Variants in DOCK8 observed in about 807,000 individuals in gnomAD.
DOCK8 encodes the protein dedicator of cytokinesis 8, also known as dedicator of cytokinesis protein 8.
DOCK8 carries 141 observed loss-of-function variants against 245.6 expected under a neutral mutation model. That is an observed-to-expected ratio of 0.57 (90% CI 0.50 to 0.66). DOCK8 has a LOEUF of 0.66. Ranked by LOEUF, DOCK8 falls within the 30% of genes least tolerant of loss-of-function variation. The pLI is 0.00. For missense variants in DOCK8, 2,965 were observed against 2,603.4 expected, an observed-to-expected ratio of 1.14 and a Z score of -3.02; for synonymous variants, 1,168 against 970.2, an observed-to-expected ratio of 1.20 and a Z score of -3.79.
intron 42 of DOCK8, among the ~76,000 whole-genome samples, chr9:442,573 G>C (rs2057126635): frequency 6.6e-6 from 1 of 152,222 alleles, no homozygotes; most frequent in Admixed American, 6.5e-5. Flanking sequence ...AGTGTAGCAT[G>C]TTGTTAGAAG....
intron 3 of DOCK8, among the ~76,000 whole-genome samples, chr9:288,049 A>G (rs559340232): frequency 6.6e-6 from 1 of 150,922 alleles, no homozygotes; most frequent in Non-Finnish European, 1.5e-5. Flanking sequence ...AATTTAGAGG[A>G]AGGAGGAGGT....
At chr9:222,141 T>C (rs2046895979) in intron 1 of DOCK8, among the ~76,000 whole-genome samples, 1 of 151,826 alleles carries the variant, frequency 6.6e-6, no homozygotes, top group Non-Finnish European at 1.5e-5. Flanking sequence ...TGCATGCCTG[T>C]GGTCCCAGCT....
At chr9:360,806 C>G (rs1359992679) in intron 14 of DOCK8, among the ~76,000 whole-genome samples, 1 of 152,098 alleles carries the variant, frequency 6.6e-6, no homozygotes, top group Non-Finnish European at 1.5e-5. Flanking sequence ...CACTTGGTAA[C>G]TGGTAAGCAA....
chr9:385,985 C>G (rs910117664), intron 22 of DOCK8, among the ~76,000 whole-genome samples: 4 of 152,054 alleles, frequency 2.6e-5, no homozygotes, highest in Non-Finnish European at 5.9e-5. Flanking sequence ...GGTGCAGTAC[C>G]GTACTAAACC....
chr9:333,362 GA>G (rs558485898), intron 10 of DOCK8, among the ~76,000 whole-genome samples: 1 of 152,358 alleles, frequency 6.6e-6, no homozygotes, highest in South Asian at 2.1e-4. Flanking sequence ...AGCACTTTGG[GA>G]GGCCAAGGCG....
chr9:215,118 C>A (rs913947752), intron 1 of DOCK8, 89 bp downstream of exon 1: 3 of 1,486,932 alleles, frequency 2.0e-6, no homozygotes, highest in Admixed American at 2.4e-5. Flanking sequence ...CGAGGCCGGA[C>A]GAGTCCATTC....
chr9:251,048 G>A (rs529303672), intron 1 of DOCK8, among the ~76,000 whole-genome samples: 1 of 152,260 alleles, frequency 6.6e-6, no homozygotes, highest in South Asian at 2.1e-4. Flanking sequence ...AGGAGTCTAG[G>A]GACAGACAGG....
chr9:375,167 C>T (rs1052887100), intron 18 of DOCK8, among the ~76,000 whole-genome samples: 18 of 152,154 alleles, frequency 1.2e-4, no homozygotes, highest in African/African-American at 4.3e-4. Context: ...CCACTTTGGG[C>T]CCCAGCTTTT....
intron 14 of DOCK8, among the ~76,000 whole-genome samples, chr9:357,066 A>AT (rs2052480245): frequency 6.6e-6 from 1 of 152,202 alleles, no homozygotes; most frequent in African/African-American, 2.4e-5. Context: ...AACTAGTTGG[A>AT]CTTAAACAAG....
At chr9:339,736 G>A (rs1316074706) in intron 13 of DOCK8, among the ~76,000 whole-genome samples, 3 of 152,128 alleles carry the variant, frequency 2.0e-5, no homozygotes, top group Non-Finnish European at 4.4e-5. Context: ...GGATTGTCTC[G>A]ATCTCTTGAC....
chr9:400,824 CCATCACCATCACCACCACCTCCACCAT>C (rs2054957918), intron 26 of DOCK8, among the ~76,000 whole-genome samples: 3 of 46,956 alleles, frequency 6.4e-5, no homozygotes, highest in Non-Finnish European at 7.1e-5. Flanking sequence ...ACCACCTCCA[CCATCACCATCACCACCACCTCCACCAT>C]CACCACCTCC....
rs377594055 is a variant in DOCK8, at chr9:273,550, G to T, written c.156+1821G>T. ...AACAAGGTAGAGGGTTTAGTGCTTT[G>T]CTTTTTTAAAAAGTAAATGAAGGCT... On this transcript the variant is annotated intron_variant, in intron 2 of 47. Transcript: ENST00000432829. Among the ~76,000 whole-genome samples the T allele has an allele frequency of 6.6e-5, 10 of 152,276 alleles. 1 individual carries two copies. The East Asian group carries it at 1.3e-3, about 21-fold the overall frequency.
intron 27 of DOCK8, among the ~76,000 whole-genome samples, chr9:406,269 G>A (rs930466329): frequency 6.6e-6 from 1 of 152,012 alleles, no homozygotes; most frequent in Non-Finnish European, 1.5e-5. Flanking sequence ...CAAAGGGAGT[G>A]GAATACTTGA....
intron 5 of DOCK8, among the ~76,000 whole-genome samples, chr9:310,465 A>G (rs997874801): frequency 6.6e-6 from 1 of 152,182 alleles, no homozygotes; most frequent in African/African-American, 2.4e-5. Flanking sequence ...TAATTTATTT[A>G]CTTATTTTTT....
At chr9:389,587 C>T (rs1241162391) in intron 23 of DOCK8, among the ~76,000 whole-genome samples, 1 of 136,722 alleles carries the variant, frequency 7.3e-6, no homozygotes, top group African/African-American at 3.3e-5. Context: ...AAGTGTAACC[C>T]TGGACCAGCA....
Position 312,104 on chromosome 9 carries a change from G to A in DOCK8, c.679G>A (p.Glu227Lys), listed in dbSNP as rs76276364. ...TGCCGAGGACTTTGAGAAGCAGAAC[G>A]AGGAGGCCCGGAGGACCAATAGGCA... ...VSAEDFEKQN[E>K]EARRTNRQAE... The change falls in exon 6 of 48, where the codon GAG (glutamate) becomes AAG (lysine). Residue 227 changes from glutamate to lysine, a missense_variant. Physicochemically the swap from Glu to Lys is moderately conservative, Grantham distance 56. Around this residue, in one of 3 missense-constraint regions of DOCK8, gnomAD observed 2,825 missense variants for 2,453.5 expected, o/e 1.15. Coordinates refer to ENST00000432829, the MANE Select transcript of DOCK8 (RefSeq NM_203447.4). 999 of 1,614,224 alleles carry A rather than the reference G, an allele frequency of 6.2e-4. 15 individuals are homozygous for A. The East Asian group carries it at 0.018, about 29-fold the overall frequency.
chr9:310,684 C>T (rs1458718015), intron 5 of DOCK8, among the ~76,000 whole-genome samples: 6 of 152,164 alleles, frequency 3.9e-5, no homozygotes, highest in Admixed American at 6.5e-5. Context: ...TGATCTTGAA[C>T]TCCTGACCTC....
At chr9:446,036 T>C (rs2057244613) in intron 43 of DOCK8, among the ~76,000 whole-genome samples, 1 of 152,242 alleles carries the variant, frequency 6.6e-6, no homozygotes, top group Admixed American at 6.5e-5. Flanking sequence ...TCATTGTCAT[T>C]CTGTAAAGGA....
intron 9 of DOCK8, among the ~76,000 whole-genome samples, chr9:331,334 A>C (rs185616957): frequency 6.6e-6 from 1 of 152,146 alleles, no homozygotes; most frequent in Non-Finnish European, 1.5e-5. Context: ...TGCTGTGGCA[A>C]TGGGAGGGGG....
Sources: gnomAD v4.1 joint callset for allele counts (sites outside exome capture counted in the v4.1 genomes callset) on GRCh38, gnomAD v4.1.1 for gene constraint, gnomAD v4.1.1 regional missense constraint, MANE v1.5 for transcripts, NCBI Gene and HGNC (gene_info 2026-07-23, HGNC 2026-07-21) for gene names.